Variants in KMT2D observed in about 807,000 individuals in gnomAD.
KMT2D encodes histone-lysine N-methyltransferase 2D.
KMT2D carries 55 observed loss-of-function variants against 512.7 expected under a neutral mutation model. That is an observed-to-expected ratio of 0.11 (90% CI 0.09 to 0.13). The LOEUF is 0.13. KMT2D is among the 10% of genes least tolerant of loss of function. The pLI is 1.00. For synonymous variants in KMT2D, 2,995 were observed against 2,904.0 expected (o/e 1.03, Z -1.01); for missense variants, 6,061 against 7,127.9 (o/e 0.85, Z 5.39).
At chr12:49,058,042 TA>T (rs1304360226) in intron 1 of KMT2D, among the ~76,000 whole-genome samples, 1 of 152,214 alleles carries the variant, frequency 6.6e-6, no homozygotes, top group East Asian at 1.9e-4. Context: ...TGGAGAAGTG[TA>T]AGGCTGAAGC....
Position 49,027,190 on chromosome 12 carries a change from C to G in KMT2D, c.14776G>C (p.Ala4926Pro), listed in dbSNP as rs2120369387. ...ACCAAGGGCTCAGTAGGGGGACTGG[C>G]AGGAGAAGGTGCCAAGGGGGAAGGG... ...PPPSPLAPSP[A>P]SPPTEPLVEL... The change falls in exon 49 of 55, where the codon GCC (alanine) becomes CCC (proline). Residue 4926 changes from alanine to proline, a missense_variant. By Grantham distance (27) the Ala-to-Pro change is conservative (BLOSUM62 -1). Around this residue, in one of 16 missense-constraint regions of KMT2D, gnomAD observed 1,600 missense variants for 1,754.9 expected, o/e 0.91. Coordinates refer to ENST00000301067, the MANE Select transcript of KMT2D (RefSeq NM_003482.4). 1.3e-6 allele frequency: 2 copies of G among 1,492,310 alleles called. No homozygotes were observed. The highest frequency in any genetic ancestry group is 1.5e-5 in the African/African-American group (1 of 67,364). The allele number at this position is 1,492,310 out of a possible 1,614,324, so 92.4% of individuals were successfully genotyped here.
Position 49,031,634 on chromosome 12 carries a change from C to T in KMT2D, c.13071G>A (p.Arg4357=), listed in dbSNP as rs533214351. The change falls in exon 40 of 55, where the codon AGG becomes AGA. Residue 4357 remains arginine (R), a synonymous_variant. Coordinates refer to ENST00000301067, the MANE Select transcript of KMT2D (RefSeq NM_003482.4). ...QGPTLEPPPG[R]VSPAAAQLAD... Reference sequence around the variant, plus strand: ...CAAGCTGGGCAGCAGCAGGTGAGACCCTCCCAGGAGGCGGCTCCAAGGTTG... The same window carrying T: ...CAAGCTGGGCAGCAGCAGGTGAGACTCTCCCAGGAGGCGGCTCCAAGGTTG... 3 of 1,603,304 alleles carry T rather than the reference C, an allele frequency of 1.9e-6. No individual in the cohort carries two copies. The highest frequency in any genetic ancestry group is 2.2e-5 in the South Asian group (2 of 89,232).
chr12:49,028,959 C>T lies in KMT2D; in HGVS notation c.14252-1G>A, dbSNP rs1942747749. 6.2e-7 allele frequency: 1 copy of T among 1,613,564 alleles called. No individual in the cohort carries two copies. Among genetic ancestry groups the T allele is most frequent in the South Asian group, 1.1e-5 (1 of 91,062 alleles). ...CCATAAGGTTTGGTATCTGGGAAGA[C>T]TGAATGAGAAAGAGGAATTTGTGTA... On this transcript the variant is annotated splice_acceptor_variant, in intron 45 of 54. Transcript: ENST00000301067. LOFTEE classifies it high-confidence loss of function.
At position 49,032,030 on chromosome 12, in the gene KMT2D, G is replaced by C. The variant is rs1342105628; in HGVS notation, c.12675C>G (p.Leu4225=). The C allele has an allele frequency of 2.5e-6, 4 of 1,612,046 alleles. No homozygotes were observed. The highest frequency in any genetic ancestry group is 3.4e-6 in the Non-Finnish European group (4 of 1,178,578). ...SPQQQQQLQA[L]LMQRQLQQSQ... The stretch of plus-strand genomic sequence containing the variant: ...TCTGCTGCAGCTGCCGCTGCATGAG[G>C]AGTGCCTGTAGCTGCTGCTGCTGCT... The change falls in exon 40 of 55, where the codon CTC becomes CTG. Residue 4225 remains leucine, a synonymous_variant. Transcript: ENST00000301067.
chr12:49,048,008 G>C lies in KMT2D; in HGVS notation c.4193C>G (p.Ser1398Trp), dbSNP rs1389196402. The C allele has an allele frequency of 6.2e-7, 1 of 1,613,236 alleles. No individual in the cohort carries two copies. The highest frequency in any genetic ancestry group is 8.5e-7 in the Non-Finnish European group (1 of 1,179,392). ...AGGGTGATAGCACTGAGAGCACTGC[G>C]AACAGGCAAGGAGGTGGCCCTCTGC... ...RGAEGHLLAC[S>W]QCSQCYHPYC... Residue 1398 changes from serine (S) to tryptophan (W), a missense_variant, in exon 15 of 55, where the codon TCG (serine) becomes TGG (tryptophan). Around this residue, in one of 16 missense-constraint regions of KMT2D, gnomAD observed 53 missense variants for 148.3 expected, o/e 0.36. Coordinates refer to ENST00000301067, the MANE Select transcript of KMT2D (RefSeq NM_003482.4).
At position 49,039,172 on chromosome 12, in the gene KMT2D, T is replaced by C. The variant is rs757263430; in HGVS notation, c.8366+50A>G. On this transcript the variant is annotated intron_variant, in intron 34 of 54. Transcript: ENST00000301067. This position sits in a 1 kb window ranked among gnomAD's most constrained non-coding sequence, Gnocchi z 5.0. ...AAATCACAAGAGCTTCCAACAGTGA[T>C]AAAATCCATCCCCCTTGGTTTACCC... 7 of 1,605,066 alleles carry C rather than the reference T, an allele frequency of 4.4e-6. No individual in the cohort carries two copies. The highest frequency in any genetic ancestry group is 6.0e-6 in the Non-Finnish European group (7 of 1,175,534).
intron 7 of KMT2D, 47 bp downstream of exon 7, chr12:49,053,429 T>A (rs775240170): frequency 3.7e-6 from 6 of 1,610,898 alleles, no homozygotes; most frequent in Non-Finnish European, 5.1e-6. Context: ...TTTTCAACCC[T>A]AACCTGTGTT....
rs569222147 is a variant in KMT2D at position 49,020,615 on chromosome 12, C to T, written c.*1165G>A. The T allele has an allele frequency of 4.9e-6, 1 of 203,022 alleles. No homozygotes were observed. Among genetic ancestry groups the T allele is most frequent in the African/African-American group, 2.3e-5 (1 of 43,028 alleles). The allele number at this position is 203,022 out of a possible 1,614,324, so 12.6% of individuals were successfully genotyped here. A position where few individuals can be genotyped will look rare whatever the true frequency, so the allele number is the denominator to read the frequency against. ...CGCTGACACTAAGCTCCCCCACCCC[C>T]ACATCACCACCCCTTCCCACCAGAC... On this transcript the variant is annotated 3_prime_UTR_variant, in exon 55 of 55. Coordinates refer to ENST00000301067, the MANE Select transcript of KMT2D (RefSeq NM_003482.4).
chr12:49,060,469 C>T lies in KMT2D; in HGVS notation c.-894G>A, dbSNP rs536577507. 1.8e-3 allele frequency among the ~76,000 whole-genome samples: 281 copies of T among 152,352 alleles called. 1 individual carries two copies. Among genetic ancestry groups the T allele is most frequent in the African/African-American group, 6.4e-3 (268 of 41,586 alleles). ...CCCGGCTGACTGTGATCGCAGGCGG[C>T]CTAGAGGTGCATGGCCCAACCCCGG... On this transcript the variant is annotated 5_prime_UTR_variant, in exon 1 of 55. Transcript: ENST00000301067.
In KMT2D at chr12:49,038,573, C is replaced by T. The variant is rs2120500314; in HGVS notation, c.8783G>A (p.Gly2928Asp). The T allele has an allele frequency of 6.2e-7, 1 of 1,612,530 alleles. No individual in the cohort carries two copies. Among genetic ancestry groups the T allele is most frequent in the Middle Eastern group, 1.7e-4 (1 of 6,060 alleles). ...PEGLRGLAVS[G>D]LPPQKPSAPP... ...GGCTGAGGGTTTCTGTGGGGGAAGA[C>T]CTGATACCGCCAGGCCCCGAAGCCC... Residue 2928 changes from glycine to aspartate, a missense_variant, in exon 35 of 55, where the codon GGT (glycine) becomes GAT (aspartate). By Grantham distance (94) the Gly-to-Asp change is moderately conservative. Coordinates refer to ENST00000301067, the MANE Select transcript of KMT2D (RefSeq NM_003482.4). This position sits in a 1 kb window ranked among gnomAD's most constrained non-coding sequence, Gnocchi z 5.7.
At position 49,050,461 on chromosome 12, in the gene KMT2D, A is replaced by C; in HGVS notation, c.3127T>G (p.Ser1043Ala). The C allele has an allele frequency of 1.9e-6, 3 of 1,613,810 alleles. No individual in the cohort carries two copies. The highest frequency in any genetic ancestry group is 2.5e-6 in the Non-Finnish European group (3 of 1,179,808). ...ACGGACAGTGGTAGGGCAGGAGGAG[A>C]GCACTGGGAAGGAGGGGAGTTTTGG... Reference protein sequence around the residue: ...VPQNSPPSQCSPPALPLSVPS... With the variant: ...VPQNSPPSQCAPPALPLSVPS... The change falls in exon 12 of 55, where the codon TCT becomes GCT. Residue 1043 changes from serine to alanine, a missense_variant. Ser to Ala is a moderately conservative substitution (Grantham distance 99). Transcript: ENST00000301067.
In KMT2D at chr12:49,050,103, G is replaced by A. The variant is rs754575668; in HGVS notation, c.3485C>T (p.Pro1162Leu). Residue 1162 changes from proline (P) to leucine (L), a missense_variant, in exon 12 of 55, where the codon CCT becomes CTT. Physicochemically the swap from Pro to Leu is moderately conservative, Grantham distance 98. Coordinates refer to ENST00000301067, the MANE Select transcript of KMT2D (RefSeq NM_003482.4). The stretch of plus-strand genomic sequence containing the variant: ...GGGGTAGACCTCCATAGGGGTCACA[G>A]GGGCCAGCTCCTCGGGGTCCAGGAG... ...PVLLDPEELAPVTPMEVYPEC... is the reference protein window; with the variant it reads ...PVLLDPEELALVTPMEVYPEC... The A allele has an allele frequency of 6.2e-7, 1 of 1,613,564 alleles. No individual in the cohort carries two copies. The highest frequency in any genetic ancestry group is 8.5e-7 in the Non-Finnish European group (1 of 1,179,764).
chr12:49,039,370 A>G lies in KMT2D; in HGVS notation c.8230-12T>C. 2 of 1,609,500 alleles carry G rather than the reference A, an allele frequency of 1.2e-6. No homozygotes were observed. The highest frequency in any genetic ancestry group is 4.5e-5 in the East Asian group (2 of 44,826). On this transcript the variant is annotated splice_polypyrimidine_tract_variant and intron_variant, in intron 33 of 54. Coordinates refer to ENST00000301067, the MANE Select transcript of KMT2D (RefSeq NM_003482.4). This position sits in a 1 kb window ranked among gnomAD's most constrained non-coding sequence, Gnocchi z 5.0. ...AGGCTGCTCTTGTCCTAGAAGAGAC[A>G]AGGTAGATGAAGGTGGAGCAACCTT...
At chr12:49,045,992 G>A (rs1943766087) in intron 18 of KMT2D, 25 bp from the exon 19 acceptor site, 3 of 1,613,866 alleles carry the variant, frequency 1.9e-6, no homozygotes, top group Non-Finnish European at 2.5e-6. Flanking sequence ...ACAAACGGAG[G>A]TGGCTGAGGT....
chr12:49,030,807 G>T lies in KMT2D; in HGVS notation c.13672-39C>A, dbSNP rs200126251. On this transcript the variant is annotated intron_variant, in intron 41 of 54. Transcript: ENST00000301067. ...GATGACAAAGTTCAAAACCTGCAGC[G>T]TTTGCATCGCTGTCTTGCACAGCTG... The T allele has an allele frequency of 1.9e-6, 3 of 1,612,964 alleles. No individual in the cohort carries two copies. In the South Asian group the frequency reaches 3.3e-5, roughly 18 times the overall value.
At chr12:49,047,886 G>A (rs1209385650) in intron 15 of KMT2D, 79 bp downstream of exon 15, 15 of 976,008 alleles carry the variant, frequency 1.5e-5, no homozygotes, top group Non-Finnish European at 2.5e-5. Context: ...TTAAGAGGTG[G>A]TATGGCCAGG....
rs375944063 is a variant in KMT2D, at chr12:49,034,494, G to A, written c.10441-18C>T. 1 of 1,613,280 alleles carries A rather than the reference G, an allele frequency of 6.2e-7. No homozygotes were observed. Among genetic ancestry groups the A allele is most frequent in the East Asian group, 2.2e-5 (1 of 44,866 alleles). Reference sequence around the variant, plus strand: ...CTCCGCTCCTGCAATGAGAGAGGCTGCTAAAGGGTCATTGTTCCCTGCTAG... The same window carrying A: ...CTCCGCTCCTGCAATGAGAGAGGCTACTAAAGGGTCATTGTTCCCTGCTAG... On this transcript the variant is annotated intron_variant, in intron 37 of 54. Coordinates refer to ENST00000301067, the MANE Select transcript of KMT2D (RefSeq NM_003482.4).
chr12:49,031,980 G>A lies in KMT2D; in HGVS notation c.12725C>T (p.Pro4242Leu), dbSNP rs1275973343. Reference protein sequence around the residue: ...QQSQAVRQTPPYQEPGTQTSP... With the variant: ...QQSQAVRQTPLYQEPGTQTSP... ...GGTCTGGGTCCCAGGCTCCTGGTAG[G>A]GTGGGGTCTGGCGTACTGCCTGACT... The change falls in exon 40 of 55, where the codon CCC becomes CTC. Residue 4242 changes from proline (P) to leucine (L), a missense_variant. Pro to Leu is a moderately conservative substitution (Grantham distance 98). Coordinates refer to ENST00000301067, the MANE Select transcript of KMT2D (RefSeq NM_003482.4). The A allele has an allele frequency of 1.9e-6, 3 of 1,579,130 alleles. No individual in the cohort carries two copies. Among genetic ancestry groups the A allele is most frequent in the Admixed American group, 3.5e-5 (2 of 56,952 alleles).
Position 49,046,586 on chromosome 12 carries a change from A to G in KMT2D, c.4418+23T>C, listed in dbSNP as rs2120608986. 1 of 1,601,478 alleles carries G rather than the reference A, an allele frequency of 6.2e-7. No individual in the cohort carries two copies. Among genetic ancestry groups the G allele is most frequent in the Non-Finnish European group, 8.5e-7 (1 of 1,171,544 alleles). On this transcript the variant is annotated intron_variant, in intron 16 of 54. Coordinates refer to ENST00000301067, the MANE Select transcript of KMT2D (RefSeq NM_003482.4). The surrounding 1 kb of genome is among the most constrained non-coding windows in gnomAD (Gnocchi z 4.2). ...TAACATCTCAAGGCCCCAGGGCTCC[A>G]CTGAAGATCCCAGTCTCCTTACCAC... is the stretch of plus-strand genomic sequence containing the variant.
Sources: allele counts gnomAD v4.1 joint callset (sites outside exome capture counted in the v4.1 genomes callset), GRCh38; gene constraint gnomAD v4.1.1; regional missense constraint gnomAD v4.1.1; non-coding constraint Gnocchi (gnomAD v3.1); transcripts MANE v1.5; gene names NCBI Gene and HGNC (gene_info 2026-07-23, HGNC 2026-07-21).